The following MLANA variants were observed in gnomAD, a reference collection of about 807,000 sequenced individuals.
The protein encoded by MLANA is melanoma antigen recognized by T-cells 1.
Under a neutral mutation model 15.7 loss-of-function variants are expected in MLANA, and 21 were observed. That is an observed-to-expected ratio of 1.33 (90% CI 0.95 to 1.92). The LOEUF is 1.92. MLANA is among the 40% of genes most tolerant of loss of function. The probability of loss-of-function intolerance (pLI) is 0.00; values close to 1 mark genes in which losing one functional copy is unlikely to be tolerated. For missense variants in MLANA, 164 were observed against 143.8 expected (o/e 1.14, Z -0.72); for synonymous variants, 56 against 51.5 (o/e 1.09, Z -0.37).
At chr9:5,907,133 G>A (rs1251647043) in intron 4 of MLANA, 135 bp downstream of exon 4, 6 of 441,792 alleles carry the variant, frequency 1.4e-5, no homozygotes, top group Non-Finnish European at 2.0e-5. Context: ...ACCTAAAAAT[G>A]GTTAAAATGG....
At chr9:5,907,184 T>C in intron 4 of MLANA, 186 bp downstream of exon 4, 4 of 368,336 alleles carry the variant, frequency 1.1e-5, no homozygotes, top group East Asian at 4.1e-5. Context: ...AAATAAATAA[T>C]AATAAAAAAC....
At chr9:5,893,944 A>C (rs930483106) in intron 2 of MLANA, among the ~76,000 whole-genome samples, 2 of 130,686 alleles carry the variant, frequency 1.5e-5, no homozygotes, top group Non-Finnish European at 3.1e-5. Flanking sequence ...GGTGGGTATC[A>C]TTCTTGCTGT....
chr9:5,909,213 G>C lies in MLANA; in HGVS notation c.*505G>C, dbSNP rs41281747. 1,101 of 153,358 alleles carry C rather than the reference G, an allele frequency of 7.2e-3. 12 individuals carry two copies. The highest frequency in any genetic ancestry group is 9.5e-3 in the Non-Finnish European group (658 of 68,912). The allele number at this position is 153,358 out of a possible 1,614,324, so 9.5% of individuals were successfully genotyped here. On this transcript the variant is annotated 3_prime_UTR_variant, in exon 5 of 5. Coordinates refer to ENST00000381477, the MANE Select transcript of MLANA (RefSeq NM_005511.2). ...AAGAACATGTCAGCAATGTCTCTTT[G>C]TGCTCTAAAATTCTATTATACTACA...
intron 3 of MLANA, chr9:5,898,016 C>T (rs1176383915): frequency 4.8e-6 from 1 of 209,574 alleles, no homozygotes; most frequent in Non-Finnish European, 9.9e-6. Flanking sequence ...TGGAAGGCAT[C>T]ACATGGGCAA....
rs1023422953 is a variant in MLANA at position 5,908,725 on chromosome 9, T to C, written c.*17T>C. On this transcript the variant is annotated 3_prime_UTR_variant, in exon 5 of 5. Coordinates refer to ENST00000381477, the MANE Select transcript of MLANA (RefSeq NM_005511.2). The stretch of plus-strand genomic sequence containing the variant: ...TCACCTTAAGAGCCAGCGAGACACC[T>C]GAGACATGCTGAAATTATTTCTCTC... The C allele has an allele frequency of 6.2e-7, 1 of 1,601,462 alleles. No individual in the cohort carries two copies. Among genetic ancestry groups the C allele is most frequent in the Non-Finnish European group, 8.6e-7 (1 of 1,168,674 alleles).
At chr9:5,892,194 G>A (rs1454951497) in intron 1 of MLANA, among the ~76,000 whole-genome samples, 1 of 152,174 alleles carries the variant, frequency 6.6e-6, no homozygotes, top group East Asian at 1.9e-4. Context: ...CAACTTGCAA[G>A]TCTTTTTTGC....
intron 1 of MLANA, among the ~76,000 whole-genome samples, chr9:5,891,573 C>A (rs1284309763): frequency 3.9e-5 from 6 of 152,134 alleles, no homozygotes; most frequent in Non-Finnish European, 8.8e-5. Context: ...CTTTGAAATT[C>A]ATGAGGACAG....
rs1832990315 is a variant in MLANA, at chr9:5,908,922, A to G, written c.*214A>G. ...ATATTAAATTGGGAAAACTCCATCA[A>G]TAAATGTTGCAATGCATGATACTAT... On this transcript the variant is annotated 3_prime_UTR_variant, in exon 5 of 5. Transcript: ENST00000381477. 3.7e-6 allele frequency: 2 copies of G among 547,382 alleles called. No individual in the cohort carries two copies. Among genetic ancestry groups the G allele is most frequent in the African/African-American group, 1.9e-5 (1 of 52,122 alleles). 33.9% of individuals were successfully genotyped at this position (547,382 alleles called of 1,614,324 possible). A position where few individuals can be genotyped will look rare whatever the true frequency, so the allele number is the denominator to read the frequency against.
At chr9:5,904,779 T>C (rs1181245102) in intron 3 of MLANA, among the ~76,000 whole-genome samples, 3 of 150,578 alleles carry the variant, frequency 2.0e-5, no homozygotes, top group Non-Finnish European at 3.0e-5. Context: ...TACACTTCTT[T>C]TTTTTTTTTT....
chr9:5,904,049 G>C (rs1366917541), intron 3 of MLANA, among the ~76,000 whole-genome samples: 2 of 152,060 alleles, frequency 1.3e-5, no homozygotes, highest in Non-Finnish European at 2.9e-5. Context: ...GCAGAGATGG[G>C]GTTTCACCAT....
Position 5,908,808 on chromosome 9 carries a change from A to G in MLANA, c.*100A>G, listed in dbSNP as rs1832983036. On this transcript the variant is annotated 3_prime_UTR_variant, in exon 5 of 5. Coordinates refer to ENST00000381477, the MANE Select transcript of MLANA (RefSeq NM_005511.2). The stretch of plus-strand genomic sequence containing the variant: ...ATGTTCTCCTTTGGAATGGTGTAGG[A>G]AAAATGCAAGCCATCTCTAATAATA... 6 of 1,171,234 alleles carry G rather than the reference A, an allele frequency of 5.1e-6. No individual in the cohort carries two copies. The East Asian group carries it at 1.4e-4, about 28-fold the overall frequency. The allele number at this position is 1,171,234 out of a possible 1,614,324, so 72.6% of individuals were successfully genotyped here.
intron 3 of MLANA, among the ~76,000 whole-genome samples, chr9:5,903,794 AAACT>A (rs1367776892): frequency 1.3e-5 from 2 of 152,162 alleles, no homozygotes; most frequent in African/African-American, 4.8e-5. Context: ...TCTCCTTCTG[AAACT>A]AATATAGGAA....
chr9:5,904,899 A>G (rs1586957182), intron 3 of MLANA, among the ~76,000 whole-genome samples: 1 of 151,346 alleles, frequency 6.6e-6, no homozygotes, highest in East Asian at 1.9e-4. Context: ...TCAGCCTCCC[A>G]AGTAGCTGGG....
At chr9:5,896,438 T>A (rs773244665) in intron 2 of MLANA, among the ~76,000 whole-genome samples, 3 of 152,188 alleles carry the variant, frequency 2.0e-5, no homozygotes, top group African/African-American at 2.4e-5. Context: ...GTTCGCTCTA[T>A]CCTGTTTGGA....
chr9:5,897,603 C>G lies in MLANA; in HGVS notation c.124C>G (p.Leu42Val). The change falls in exon 3 of 5, where the codon CTC (leucine) becomes GTC (valine). Residue 42 changes from leucine to valine, a missense_variant. By Grantham distance (32) the Leu-to-Val change is conservative. Coordinates refer to ENST00000381477, the MANE Select transcript of MLANA (RefSeq NM_005511.2). The stretch of plus-strand genomic sequence containing the variant: ...GACAGTGATCCTGGGAGTCTTACTG[C>G]TCATCGGCTGTTGGTATTGTAGAAG... Reference protein sequence around the residue: ...ILTVILGVLLLIGCWYCRRRN... With the variant: ...ILTVILGVLLVIGCWYCRRRN... 4 of 1,614,156 alleles carry G rather than the reference C, an allele frequency of 2.5e-6. No homozygotes were observed. The highest frequency in any genetic ancestry group is 3.4e-6 in the Non-Finnish European group (4 of 1,179,956).
chr9:5,901,128 G>C (rs1420785337), intron 3 of MLANA, among the ~76,000 whole-genome samples: 1 of 151,448 alleles, frequency 6.6e-6, no homozygotes, highest in Non-Finnish European at 1.5e-5. Context: ...TGAGTGAGAG[G>C]CTTAAAAAAA....
intron 2 of MLANA, among the ~76,000 whole-genome samples, chr9:5,896,506 T>C (rs1324844612): frequency 6.6e-6 from 1 of 152,220 alleles, no homozygotes; most frequent in Non-Finnish European, 1.5e-5. Flanking sequence ...GTCCAGTAGA[T>C]GGTACTGAGC....
chr9:5,905,044 A>AT (rs1372490005), intron 3 of MLANA, among the ~76,000 whole-genome samples: 6 of 152,158 alleles, frequency 3.9e-5, no homozygotes, highest in African/African-American at 1.4e-4. Flanking sequence ...AAGTGCTGCG[A>AT]TTACAGGTGT....
intron 3 of MLANA, chr9:5,899,215 C>A (rs1832252262): frequency 6.6e-6 from 1 of 152,168 alleles, no homozygotes. Flanking sequence ...TGGAAAGTCC[C>A]ATTCCTCATT....
Sources: gnomAD v4.1 joint callset for allele counts (sites outside exome capture counted in the v4.1 genomes callset) on GRCh38, gnomAD v4.1.1 for gene constraint, MANE v1.5 for transcripts, NCBI Gene and HGNC (gene_info 2026-07-23, HGNC 2026-07-21) for gene names.